DPP4: variants seen among roughly 807,000 people sequenced by gnomAD.
DPP4 encodes the protein dipeptidyl peptidase 4.
In DPP4, 93 loss-of-function variants were observed where a neutral mutation model predicts 122.4. That is an observed-to-expected ratio of 0.76 (90% CI 0.64 to 0.90). The LOEUF is 0.90. DPP4 is among the 40% of genes least tolerant of loss of function. The probability of loss-of-function intolerance (pLI) is 0.00; values close to 1 mark genes in which losing one functional copy is unlikely to be tolerated. For synonymous variants in DPP4, 321 were observed against 302.9 expected (o/e 1.06, Z -0.62); for missense variants, 914 against 907.3 (o/e 1.01, Z -0.09).
At chr2:162,056,816 A>T (rs560357230) in intron 2 of DPP4, among the ~76,000 whole-genome samples, 1 of 152,286 alleles carries the variant, frequency 6.6e-6, no homozygotes, top group South Asian at 2.1e-4. Flanking sequence ...AGAGGTCAGA[A>T]GATTTGTAAC....
chr2:162,008,844 C>T (rs2106085855), intron 21 of DPP4, among the ~76,000 whole-genome samples, 183 bp from the exon 22 acceptor site: 1 of 152,256 alleles, frequency 6.6e-6, no homozygotes, highest in South Asian at 2.1e-4. Flanking sequence ...ACTTTCAGAG[C>T]CCTGATCCCT....
intron 2 of DPP4, among the ~76,000 whole-genome samples, chr2:162,056,923 G>A (rs1041901318): frequency 1.3e-5 from 2 of 152,030 alleles, no homozygotes; most frequent in Admixed American, 6.6e-5. Flanking sequence ...CATTCAGTTG[G>A]ACCTGCTGAC....
intron 23 of DPP4, 65 bp downstream of exon 23, chr2:162,005,680 A>C (rs771855169): frequency 3.5e-5 from 48 of 1,357,672 alleles, no homozygotes; most frequent in Non-Finnish European, 4.6e-5. Flanking sequence ...AATAGATACA[A>C]TTAAGAAGGT....
At chr2:162,061,678 A>C (rs1327261990) in intron 2 of DPP4, among the ~76,000 whole-genome samples, 1 of 152,214 alleles carries the variant, frequency 6.6e-6, no homozygotes, top group African/African-American at 2.4e-5. Flanking sequence ...ATATTAATAA[A>C]TGTTCATTAA....
At chr2:162,019,369 A>G (rs1683039969) in intron 14 of DPP4, 93 bp from the exon 15 acceptor site, 1 of 867,450 alleles carries the variant, frequency 1.2e-6, no homozygotes, top group Non-Finnish European at 1.8e-6. Context: ...CTAAGTGTGC[A>G]CGGAGCGCGC....
At chr2:162,047,724 A>G (rs79007176) in intron 2 of DPP4, among the ~76,000 whole-genome samples, 1 of 152,272 alleles carries the variant, frequency 6.6e-6, no homozygotes, top group East Asian at 1.9e-4. Context: ...ACTCTGCTGT[A>G]TTATGCTATA....
chr2:162,005,044 C>T (rs1701247614), intron 23 of DPP4, among the ~76,000 whole-genome samples: 1 of 152,202 alleles, frequency 6.6e-6, no homozygotes, highest in South Asian at 2.1e-4. Flanking sequence ...AGTACTTATG[C>T]TAGCACTTCC....
At chr2:162,049,148 G>A (rs2106137928) in intron 2 of DPP4, among the ~76,000 whole-genome samples, 1 of 152,296 alleles carries the variant, frequency 6.6e-6, no homozygotes, top group East Asian at 1.9e-4. Flanking sequence ...TTGGGGGACT[G>A]GGAAGCCAGT....
intron 5 of DPP4, among the ~76,000 whole-genome samples, chr2:162,040,085 T>G (rs980280377): frequency 6.6e-6 from 1 of 152,086 alleles, no homozygotes; most frequent in Non-Finnish European, 1.5e-5. Context: ...AAAAATAATT[T>G]CTTAAAAGTG....
chr2:162,014,292 G>A (rs1682825025), intron 19 of DPP4, 104 bp downstream of exon 19: 2 of 889,914 alleles, frequency 2.2e-6, no homozygotes, highest in African/African-American at 1.7e-5. Context: ...AGTGATCCAG[G>A]AAGAGGGAAA....
intron 12 of DPP4, among the ~76,000 whole-genome samples, chr2:162,022,078 TC>T (rs1457372489): frequency 1.3e-5 from 2 of 152,156 alleles, no homozygotes; most frequent in African/African-American, 4.8e-5. Context: ...TGAGATTCAT[TC>T]CTCATCTACC....
intron 18 of DPP4, among the ~76,000 whole-genome samples, chr2:162,016,263 T>C (rs1399819157): frequency 6.6e-6 from 1 of 152,098 alleles, no homozygotes; most frequent in Non-Finnish European, 1.5e-5. Context: ...TTCTTACTGG[T>C]CTCTGAACAT....
At chr2:162,000,390 A>G (rs1323990266) in intron 23 of DPP4, among the ~76,000 whole-genome samples, 1 of 152,174 alleles carries the variant, frequency 6.6e-6, no homozygotes, top group African/African-American at 2.4e-5. Flanking sequence ...AGCTCCCATC[A>G]ACCCCAGACA....
At chr2:162,016,690 A>AT in intron 18 of DPP4, 78 bp downstream of exon 18, 1 of 911,116 alleles carries the variant, frequency 1.1e-6, no homozygotes, top group South Asian at 2.2e-5. Context: ...TGAAATACAT[A>AT]TTTTCAGATC....
chr2:162,006,260 G>A (rs527335124), intron 22 of DPP4, among the ~76,000 whole-genome samples: 2 of 152,242 alleles, frequency 1.3e-5, no homozygotes, highest in South Asian at 4.1e-4. Flanking sequence ...TGCCTCAATT[G>A]TGTTGAAATT....
At chr2:162,033,686 C>CAA (rs11437441) in intron 9 of DPP4, 33 bp from the exon 10 acceptor site, 63,647 of 1,124,400 alleles carry the variant, frequency 0.057, 517 homozygotes, top group Non-Finnish European at 0.064. Context: ...TTGGTATTGA[C>CAA]AAAAAAAAAA....
chr2:162,047,487 C>G lies in DPP4; in HGVS notation c.109G>C (p.Ala37Pro), dbSNP rs771612532. ...AGAGTGTAAGTTTTGCGACTGTCAG[C>G]TGTAGCATCATCTGCTGGTTGAAAG... is the stretch of plus-strand genomic sequence containing the variant. ...LLNKGTDDATADSRKTYTLTD... is the reference protein window; with the variant it reads ...LLNKGTDDATPDSRKTYTLTD... The change falls in exon 3 of 26, where the codon GCT becomes CCT. Residue 37 changes from alanine (A) to proline (P), a missense_variant. Transcript: ENST00000360534. The G allele has an allele frequency of 6.4e-7, 1 of 1,573,314 alleles. No homozygotes were observed. Among genetic ancestry groups the G allele is most frequent in the Non-Finnish European group, 8.7e-7 (1 of 1,153,246 alleles).
At chr2:161,994,512 GCAAA>G (rs1490574074) in intron 25 of DPP4, among the ~76,000 whole-genome samples, 1 of 152,114 alleles carries the variant, frequency 6.6e-6, no homozygotes, top group Non-Finnish European at 1.5e-5. Flanking sequence ...CCTTGTAATT[GCAAA>G]AACTGAAGCA....
intron 2 of DPP4, among the ~76,000 whole-genome samples, chr2:162,072,430 T>C (rs1685150116): frequency 6.6e-6 from 1 of 152,362 alleles, no homozygotes; most frequent in South Asian, 2.1e-4. Context: ...ACATTTGCCC[T>C]GGCCTTGAAT....
Sources: allele counts gnomAD v4.1 joint callset (sites outside exome capture counted in the v4.1 genomes callset), GRCh38; gene constraint gnomAD v4.1.1; transcripts MANE v1.5; gene names NCBI Gene and HGNC (gene_info 2026-07-23, HGNC 2026-07-21).